TJP1: variants seen among roughly 807,000 people sequenced by gnomAD.
TJP1 encodes the protein tight junction protein ZO-1.
TJP1 carries 43 observed loss-of-function variants against 194.2 expected under a neutral mutation model. That is an observed-to-expected ratio of 0.22 (90% CI 0.17 to 0.29). The LOEUF is 0.29. Among genes scored for constraint, TJP1 ranks in the 10% least tolerant of loss-of-function variants. The pLI, the probability that TJP1 is intolerant of heterozygous loss-of-function variation, is 1.00. For synonymous variants in TJP1, 801 were observed against 779.0 expected (o/e 1.03, Z -0.47); for missense variants, 1,971 against 2,185.7 (o/e 0.90, Z 1.96).
At chr15:29,943,968 A>G (rs951847524) in intron 2 of TJP1, among the ~76,000 whole-genome samples, 2 of 152,096 alleles carry the variant, frequency 1.3e-5, no homozygotes, top group African/African-American at 4.8e-5. Flanking sequence ...CACACACAAA[A>G]CTAAATAAGA....
intron 2 of TJP1, among the ~76,000 whole-genome samples, chr15:29,893,709 CAATT>C (rs945235990): frequency 1.3e-5 from 2 of 152,060 alleles, no homozygotes; most frequent in African/African-American, 2.4e-5. Context: ...TTTTCAGACA[CAATT>C]AATAAACTAT....
chr15:29,931,849 T>TTTTATGG lies in TJP1; in HGVS notation c.306+24382_306+24383insCCATAAA, dbSNP rs1193796295. On this transcript the variant is annotated intron_variant, in intron 2 of 28. Coordinates refer to the TJP1 transcript ENST00000356107. ...AGCCCCAAGGGCTGCTGGTTGCCCA[T>TTTTATGG]TTTTATGGTTACTTCTTGAATATAT... Among the ~76,000 whole-genome samples, 4 of 152,344 alleles carry TTTTATGG rather than the reference T, an allele frequency of 2.6e-5. 1 individual carries two copies. In the East Asian group the frequency reaches 7.7e-4, roughly 29 times the overall value.
At chr15:29,949,501 A>C (rs56651770) in intron 2 of TJP1, among the ~76,000 whole-genome samples, 3,147 of 18,322 alleles carry the variant, frequency 0.17, no homozygotes, top group Non-Finnish European at 0.19. Flanking sequence ...CCACCTCCAC[A>C]ACCACCACCT....
chr15:29,761,915 T>A, intron 6 of TJP1, 146 bp from the exon 7 acceptor site: 1 of 774,834 alleles, frequency 1.3e-6, no homozygotes, highest in South Asian at 2.9e-5. Context: ...GTCAAAGTAT[T>A]CCACCTTCTT....
At chr15:29,958,617 T>C (rs892616648) in intron 1 of TJP1, among the ~76,000 whole-genome samples, 2 of 152,190 alleles carry the variant, frequency 1.3e-5, no homozygotes, top group Non-Finnish European at 2.9e-5. Flanking sequence ...TATACACACA[T>C]GTACATTAAC....
intron 2 of TJP1, among the ~76,000 whole-genome samples, chr15:29,846,341 A>T (rs1166210559): frequency 6.6e-6 from 1 of 152,140 alleles, no homozygotes; most frequent in East Asian, 1.9e-4. Flanking sequence ...TTCCCAGCTC[A>T]GGCCCTGCAC....
At chr15:29,798,602 T>C (rs1177834071) in intron 2 of TJP1, among the ~76,000 whole-genome samples, 6 of 152,160 alleles carry the variant, frequency 3.9e-5, no homozygotes, top group Non-Finnish European at 8.8e-5. Context: ...TGTTAGATGG[T>C]ACAGAGAATT....
At chr15:29,934,096 G>A (rs1312072905) in intron 2 of TJP1, among the ~76,000 whole-genome samples, 3 of 152,134 alleles carry the variant, frequency 2.0e-5, no homozygotes, top group Non-Finnish European at 2.9e-5. Flanking sequence ...CTGGTATTTG[G>A]GTGAAGCTTC....
Position 29,761,255 on chromosome 15 carries a change from A to C in TJP1, c.894T>G (p.Asp298Glu). Reference protein sequence around the residue: ...DISEIQSLASDHSGRSHDRPP... With the variant: ...DISEIQSLASEHSGRSHDRPP... ...GCCTATCGTGTGATCGACCAGAATG[A>C]TCTGATGCCAGTGACTGAATTTCTG... The change falls in exon 8 of 28, where the codon GAT becomes GAG. Residue 298 changes from aspartate (D) to glutamate (E), a missense_variant. By Grantham distance (45) the Asp-to-Glu change is conservative. Coordinates refer to ENST00000614355, the MANE Select transcript of TJP1 (RefSeq NM_001330239.4). 6.2e-7 allele frequency: 1 copy of C among 1,613,996 alleles called. No homozygotes were observed. Among genetic ancestry groups the C allele is most frequent in the African/African-American group, 1.3e-5 (1 of 75,044 alleles).
chr15:29,720,158 A>G, intron 19 of TJP1, 142 bp from the exon 20 acceptor site: 1 of 1,186,130 alleles, frequency 8.4e-7, no homozygotes, highest in South Asian at 1.7e-5. Context: ...CTTTTTGGGA[A>G]AAAAAAAAAA....
At chr15:29,780,875 C>T (rs1313519019) in intron 2 of TJP1, among the ~76,000 whole-genome samples, 1 of 151,898 alleles carries the variant, frequency 6.6e-6, no homozygotes, top group East Asian at 1.9e-4. Context: ...ATTAAATCAA[C>T]AATACATACG....
intron 3 of TJP1, 76 bp from the exon 4 acceptor site, chr15:29,772,242 G>T: frequency 2.4e-6 from 2 of 826,170 alleles, no homozygotes; most frequent in South Asian, 1.7e-5. Flanking sequence ...TTCCAAGATA[G>T]GTACTTCTAA....
intron 2 of TJP1, among the ~76,000 whole-genome samples, chr15:29,829,562 G>T (rs1170254719): frequency 6.7e-6 from 1 of 149,906 alleles, no homozygotes; most frequent in Non-Finnish European, 1.5e-5. Context: ...GAGAGTAGAA[G>T]AAATTTACAG....
chr15:29,863,270 T>G (rs2052165194), intron 2 of TJP1, among the ~76,000 whole-genome samples: 1 of 151,518 alleles, frequency 6.6e-6, no homozygotes, highest in South Asian at 2.1e-4. Context: ...CACTCCAGCC[T>G]GGGCGACAAA....
intron 2 of TJP1, among the ~76,000 whole-genome samples, chr15:29,830,029 TA>T (rs945757680): frequency 2.7e-5 from 4 of 149,918 alleles, no homozygotes; most frequent in East Asian, 1.9e-4. Flanking sequence ...CAATGAAATT[TA>T]AAAAAAAAGC....
At chr15:29,833,936 G>A in intron 2 of TJP1, among the ~76,000 whole-genome samples, 1 of 95,934 alleles carries the variant, frequency 1.0e-5, no homozygotes, top group Admixed American at 1.4e-4. Context: ...AGGCTGGAGT[G>A]CAGTGGCGCA....
chr15:29,823,130 C>T (rs1269243126), upstream of TJP1: 1 of 152,204 alleles, frequency 6.6e-6, no homozygotes, highest in Non-Finnish European at 1.5e-5. Context: ...CAAGATATAT[C>T]CAAAGTCTCT....
chr15:29,823,705 T>C (rs1216373210), upstream of TJP1: 1 of 152,160 alleles, frequency 6.6e-6, no homozygotes, highest in Non-Finnish European at 1.5e-5. Flanking sequence ...CTTATTCCTT[T>C]TTGTTCTTCA....
intron 3 of TJP1, among the ~76,000 whole-genome samples, chr15:29,772,960 A>G (rs1284595221): frequency 6.6e-6 from 1 of 151,956 alleles, no homozygotes; most frequent in Non-Finnish European, 1.5e-5. Context: ...AGAGATGGGG[A>G]TCTCACTGCA....
Sources: allele counts gnomAD v4.1 joint callset (sites outside exome capture counted in the v4.1 genomes callset), GRCh38; gene constraint gnomAD v4.1.1; transcripts MANE v1.5; gene names NCBI Gene and HGNC (gene_info 2026-07-23, HGNC 2026-07-21).